Variants in FMNL2 observed in about 807,000 individuals in gnomAD.
FMNL2 encodes the protein formin-like protein 2.
A neutral mutation model predicts 130.2 loss-of-function variants in FMNL2; 51 were observed. That is an observed-to-expected ratio of 0.39 (90% CI 0.31 to 0.49). FMNL2 has a LOEUF of 0.49. Ranked by LOEUF, FMNL2 falls within the 20% of genes least tolerant of loss-of-function variation. The probability of loss-of-function intolerance (pLI) is 0.85; values close to 1 mark genes in which losing one functional copy is unlikely to be tolerated. For synonymous variants in FMNL2, 465 were observed against 467.1 expected (o/e 1.00, Z 0.06); for missense variants, 977 against 1,316.2 (o/e 0.74, Z 3.99).
chr2:152,385,651 C>G (rs1250250901), intron 1 of FMNL2, among the ~76,000 whole-genome samples: 1 of 152,130 alleles, frequency 6.6e-6, no homozygotes, highest in Admixed American at 6.5e-5. Context: ...GCTTGAGGGG[C>G]AAAGTTGCAT....
intron 8 of FMNL2, 147 bp downstream of exon 8, chr2:152,579,111 T>G (rs1238681810): frequency 3.0e-6 from 2 of 672,078 alleles, no homozygotes; most frequent in Non-Finnish European, 4.8e-6. Flanking sequence ...GTGTAAGAAT[T>G]TTTCCTTTTA....
At chr2:152,582,398 C>T (rs1696844036) in intron 9 of FMNL2, among the ~76,000 whole-genome samples, 1 of 152,202 alleles carries the variant, frequency 6.6e-6, no homozygotes, top group Non-Finnish European at 1.5e-5. Flanking sequence ...CCTCTTGCTC[C>T]TTTATTTGCA....
At chr2:152,578,740 G>A (rs1358741843) in intron 7 of FMNL2, 148 bp from the exon 8 acceptor site, 5 of 570,880 alleles carry the variant, frequency 8.8e-6, no homozygotes, top group Non-Finnish European at 1.5e-5. Context: ...TGCTCTGACA[G>A]TGATATACTA....
At chr2:152,358,708 A>G (rs531228741) in intron 1 of FMNL2, among the ~76,000 whole-genome samples, 1 of 152,304 alleles carries the variant, frequency 6.6e-6, no homozygotes, top group East Asian at 1.9e-4. Context: ...GTTCCTTTAG[A>G]GAACCCTGAT....
Position 152,410,544 on chromosome 2 carries a change from A to G in FMNL2, c.117+74824A>G, listed in dbSNP as rs571678825. On this transcript the variant is annotated intron_variant, in intron 1 of 25. Coordinates refer to ENST00000288670, the MANE Select transcript of FMNL2 (RefSeq NM_052905.4). ...GGATTCTCAGACCTGGCTGAGCAAC[A>G]TGTAACTGATCCAATTTCTCACTGA... 6.6e-5 allele frequency among the ~76,000 whole-genome samples: 10 copies of G among 152,324 alleles called. No homozygotes were observed. In the South Asian group the frequency reaches 8.3e-4, roughly 13 times the overall value.
rs183949747 is a variant in FMNL2, at chr2:152,372,178, C to T, written c.117+36458C>T. Among the ~76,000 whole-genome samples, 81 of 152,152 alleles carry T rather than the reference C, an allele frequency of 5.3e-4. 1 individual carries two copies. Among genetic ancestry groups the T allele is most frequent in the African/African-American group, 1.6e-3 (67 of 41,518 alleles). On this transcript the variant is annotated intron_variant, in intron 1 of 25. Transcript: ENST00000288670. ...CCGTTGCTAATAAAGGTATTTTAGT[C>T]GATATAAATACAAGTACTATTTGGC... is the stretch of plus-strand genomic sequence containing the variant.
At chr2:152,620,172 G>A (rs1342301712) in intron 15 of FMNL2, among the ~76,000 whole-genome samples, 1 of 151,962 alleles carries the variant, frequency 6.6e-6, no homozygotes, top group African/African-American at 2.4e-5. Flanking sequence ...ATGCTTTTAT[G>A]TGTAATTGCC....
chr2:152,598,886 G>A (rs758385597), intron 9 of FMNL2, among the ~76,000 whole-genome samples: 1 of 152,182 alleles, frequency 6.6e-6, no homozygotes, highest in Non-Finnish European at 1.5e-5. Flanking sequence ...TCCATGCTAC[G>A]CATCTGTAAG....
intron 9 of FMNL2, among the ~76,000 whole-genome samples, chr2:152,592,535 A>AC (rs1217699411): frequency 1.1e-4 from 16 of 152,212 alleles, no homozygotes; most frequent in Middle Eastern, 3.2e-3. Flanking sequence ...TTTATTGTCA[A>AC]CATTAGTGTA....
At position 152,607,596 on chromosome 2, in the gene FMNL2, T is replaced by A. The variant is rs575746187; in HGVS notation, c.951+183T>A. On this transcript the variant is annotated intron_variant, in intron 10 of 25. Transcript: ENST00000288670. ...CTCTTAATCTGTATTTCTCTTTGAT[T>A]TCCATTTTATTCCTTACATACACGG... 7.5e-6 allele frequency: 4 copies of A among 533,724 alleles called. No homozygotes were observed. In the East Asian group the frequency reaches 1.2e-4, roughly 16 times the overall value. 33.1% of individuals were successfully genotyped at this position (533,724 alleles called of 1,614,324 possible). A position where few individuals can be genotyped will look rare whatever the true frequency, so the allele number is the denominator to read the frequency against.
At chr2:152,600,274 AAAAG>A (rs1203582981) in intron 9 of FMNL2, among the ~76,000 whole-genome samples, 1 of 152,216 alleles carries the variant, frequency 6.6e-6, no homozygotes, top group Non-Finnish European at 1.5e-5. Flanking sequence ...TAAGAGGAGA[AAAAG>A]AAAGTATTGA....
At chr2:152,594,850 C>G (rs770594611) in intron 9 of FMNL2, among the ~76,000 whole-genome samples, 6 of 152,170 alleles carry the variant, frequency 3.9e-5, no homozygotes, top group Non-Finnish European at 8.8e-5. Context: ...TAGTCAGACT[C>G]GGTTTTCATT....
chr2:152,502,641 C>T (rs1331319305), intron 1 of FMNL2, among the ~76,000 whole-genome samples: 1 of 152,104 alleles, frequency 6.6e-6, no homozygotes, highest in African/African-American at 2.4e-5. Flanking sequence ...GAGTCAAGGT[C>T]GTGCCACTGC....
At chr2:152,558,715 ATT>A (rs70974869) in intron 4 of FMNL2, 23 bp from the exon 5 acceptor site, 505 of 1,390,920 alleles carry the variant, frequency 3.6e-4, no homozygotes, top group Admixed American at 1.2e-3. Context: ...TTCTCCAATG[ATT>A]TTTTTTTTTT....
At chr2:152,522,094 G>T in intron 2 of FMNL2, 68 bp downstream of exon 2, 1 of 1,292,710 alleles carries the variant, frequency 7.7e-7, no homozygotes, top group South Asian at 1.3e-5. Flanking sequence ...TGAATTTTAT[G>T]GTATGTCAAT....
intron 13 of FMNL2, among the ~76,000 whole-genome samples, chr2:152,618,543 A>G (rs924949379): frequency 6.6e-6 from 1 of 152,210 alleles, no homozygotes; most frequent in Non-Finnish European, 1.5e-5. Flanking sequence ...CCCTCAGGAG[A>G]TTCCAGAGTC....
intron 1 of FMNL2, among the ~76,000 whole-genome samples, chr2:152,438,946 A>G (rs1040878165): frequency 1.3e-5 from 2 of 152,184 alleles, no homozygotes; most frequent in African/African-American, 4.8e-5. Flanking sequence ...AGATTAGGAA[A>G]TCAACAAAAA....
At chr2:152,406,834 A>G (rs1363844374) in intron 1 of FMNL2, among the ~76,000 whole-genome samples, 1 of 152,162 alleles carries the variant, frequency 6.6e-6, no homozygotes, top group Non-Finnish European at 1.5e-5. Context: ...ATTTTCTCAC[A>G]TTACTTCCTG....
At chr2:152,633,680 G>C (rs1280436508) in intron 21 of FMNL2, among the ~76,000 whole-genome samples, 1 of 152,136 alleles carries the variant, frequency 6.6e-6, no homozygotes, top group African/African-American at 2.4e-5. Context: ...CTGACCAAAT[G>C]ATTTTCCTCC....
Sources: gnomAD v4.1 joint callset for allele counts (sites outside exome capture counted in the v4.1 genomes callset) on GRCh38, gnomAD v4.1.1 for gene constraint, MANE v1.5 for transcripts, NCBI Gene and HGNC (gene_info 2026-07-23, HGNC 2026-07-21) for gene names.